Variants in DAB1 observed in about 807,000 individuals in gnomAD.
The protein encoded by DAB1 is disabled homolog 1.
A neutral mutation model predicts 64.6 loss-of-function variants in DAB1; 15 were observed. The ratio of observed to expected loss-of-function variants is 0.23; its 90% CI spans 0.16 to 0.36. DAB1 has a LOEUF of 0.36. DAB1 is among the 10% of genes least tolerant of loss of function. DAB1 has a pLI of 1.00. For synonymous variants in DAB1, 235 were observed against 251.9 expected (o/e 0.93, Z 0.64); for missense variants, 596 against 706.7 (o/e 0.84, Z 1.78).
At chr1:57,486,967 A>G (rs1258709525) in intron 7 of DAB1, among the ~76,000 whole-genome samples, 1 of 152,134 alleles carries the variant, frequency 6.6e-6, no homozygotes, top group African/African-American at 2.4e-5. Flanking sequence ...TTAAAAAAAA[A>G]AAGAAAAAAA....
intron 4 of DAB1, among the ~76,000 whole-genome samples, chr1:58,207,925 T>C (rs1240376557): frequency 1.3e-5 from 2 of 152,184 alleles, no homozygotes; most frequent in Non-Finnish European, 2.9e-5. Flanking sequence ...AGAGGTTTAA[T>C]TGACTCACAC....
chr1:58,302,765 G>A (rs2100464596), intron 4 of DAB1, among the ~76,000 whole-genome samples: 1 of 152,240 alleles, frequency 6.6e-6, no homozygotes, highest in South Asian at 2.1e-4. Context: ...TGCTTAGAAT[G>A]AAAGTGACAA....
intron 14 of DAB1, among the ~76,000 whole-genome samples, chr1:57,008,346 T>C (rs531468019): frequency 6.6e-6 from 1 of 152,180 alleles, no homozygotes; most frequent in African/African-American, 2.4e-5. Context: ...ACCAATGGTC[T>C]TATACATGAA....
At chr1:58,298,002 G>A (rs1422419196) in intron 4 of DAB1, among the ~76,000 whole-genome samples, 4 of 152,082 alleles carry the variant, frequency 2.6e-5, no homozygotes, top group African/African-American at 7.2e-5. Context: ...CCCTAAAAGC[G>A]CTTTCAAGTA....
chr1:57,175,284 CA>C (rs1188564519), intron 2 of DAB1, among the ~76,000 whole-genome samples: 2 of 150,954 alleles, frequency 1.3e-5, no homozygotes, highest in Non-Finnish European at 1.5e-5. Flanking sequence ...TAAAGAAAGG[CA>C]GGGTTTTTTT....
At chr1:57,366,089 G>A (rs181984630) in intron 1 of DAB1, among the ~76,000 whole-genome samples, 18 of 152,262 alleles carry the variant, frequency 1.2e-4, no homozygotes, top group Admixed American at 5.2e-4. Context: ...CCTGCTCTTT[G>A]CAGGACCAGC....
intron 3 of DAB1, among the ~76,000 whole-genome samples, chr1:58,446,156 A>G (rs1207500290): frequency 4.6e-5 from 7 of 152,192 alleles, no homozygotes; most frequent in Non-Finnish European, 1.0e-4. Flanking sequence ...CCACAGTAAT[A>G]AAAAAGAAAT....
chr1:58,304,461 G>C (rs778234018), intron 4 of DAB1, among the ~76,000 whole-genome samples: 18 of 152,118 alleles, frequency 1.2e-4, no homozygotes, highest in Non-Finnish European at 2.1e-4. Context: ...TAAAATAATC[G>C]TTATGAAGTA....
At chr1:57,257,625 C>G (rs953726096) in intron 2 of DAB1, among the ~76,000 whole-genome samples, 2 of 152,156 alleles carry the variant, frequency 1.3e-5, no homozygotes, top group African/African-American at 4.8e-5. Context: ...TAAATTCCCC[C>G]AAACTTGGTG....
At chr1:57,909,395 A>G (rs1644606737) in intron 5 of DAB1, among the ~76,000 whole-genome samples, 1 of 152,208 alleles carries the variant, frequency 6.6e-6, no homozygotes, top group East Asian at 1.9e-4. Context: ...TTACTTTCTA[A>G]AATAAGCTAT....
At position 58,181,135 on chromosome 1, in the gene DAB1, A is replaced by G. The variant is rs562892406; in HGVS notation, n.310-30547T>C. On this transcript the variant is annotated intron_variant and non_coding_transcript_variant, in intron 4 of 20. Coordinates refer to the DAB1 transcript ENST00000485760. Reference sequence around the variant, plus strand: ...CTTCAGTTCTTTCTGTTTTTAGTTCACTTGTTTTGGGACTCTGTTGTTAGT... The same window carrying G: ...CTTCAGTTCTTTCTGTTTTTAGTTCGCTTGTTTTGGGACTCTGTTGTTAGT... Among the ~76,000 whole-genome samples, 3 of 152,010 alleles carry G rather than the reference A, an allele frequency of 2.0e-5. No individual in the cohort carries two copies. The South Asian group carries it at 6.2e-4, about 32-fold the overall frequency.
intron 7 of DAB1, among the ~76,000 whole-genome samples, chr1:57,649,228 A>T (rs1004990631): frequency 3.3e-5 from 5 of 152,212 alleles, no homozygotes; most frequent in Non-Finnish European, 1.5e-5. Flanking sequence ...AGAGGGGTGC[A>T]TTTAAGAAAG....
At chr1:57,218,868 C>A in intron 2 of DAB1, among the ~76,000 whole-genome samples, 1 of 152,152 alleles carries the variant, frequency 6.6e-6, no homozygotes, top group Admixed American at 6.5e-5. Flanking sequence ...TTCTCTCTGT[C>A]AAGATGAGGA....
At chr1:58,138,493 GCACA>G (rs1232872065) in intron 5 of DAB1, among the ~76,000 whole-genome samples, 1 of 152,150 alleles carries the variant, frequency 6.6e-6, no homozygotes, top group Non-Finnish European at 1.5e-5. Flanking sequence ...TTGAGAAAAA[GCACA>G]CAAACAGGGA....
chr1:57,041,533 G>A (rs1018324986), intron 9 of DAB1, among the ~76,000 whole-genome samples: 4 of 152,234 alleles, frequency 2.6e-5, no homozygotes, highest in East Asian at 1.9e-4. Context: ...CAAGAATTCC[G>A]TTTTTCTGTG....
chr1:57,995,539 G>A (rs1267695374), intron 5 of DAB1, among the ~76,000 whole-genome samples: 1 of 152,156 alleles, frequency 6.6e-6, no homozygotes, highest in African/African-American at 2.4e-5. Context: ...AATAATAAAT[G>A]CCAGTTGGTT....
At position 57,755,758 on chromosome 1, in the gene DAB1, G is replaced by T. The variant is rs1244079315; in HGVS notation, n.552-106093C>A. 2.0e-5 allele frequency among the ~76,000 whole-genome samples: 3 copies of T among 152,082 alleles called. No homozygotes were observed. In the East Asian group the frequency reaches 5.8e-4, roughly 29 times the overall value. ...ATGATAAAACCATTTAAAGCCCAAA[G>T]ACTCTCTAAATCCCACTGTGTGTCT... On this transcript the variant is annotated intron_variant and non_coding_transcript_variant, in intron 6 of 20. Transcript: ENST00000485760.
intron 3 of DAB1, among the ~76,000 whole-genome samples, chr1:58,482,755 A>G (rs1380504675): frequency 6.6e-6 from 1 of 152,124 alleles, no homozygotes; most frequent in African/African-American, 2.4e-5. Context: ...AATCATTCCA[A>G]GAGGGAGCTG....
intron 6 of DAB1, among the ~76,000 whole-genome samples, chr1:57,692,104 C>CCACAA (rs1459989101): frequency 1.3e-5 from 2 of 151,892 alleles, no homozygotes; most frequent in African/African-American, 2.4e-5. Flanking sequence ...TTGATTGACC[C>CCACAA]CGTGGCCACA....
Sources: allele counts gnomAD v4.1 joint callset (sites outside exome capture counted in the v4.1 genomes callset), GRCh38; gene constraint gnomAD v4.1.1; transcripts MANE v1.5; gene names NCBI Gene and HGNC (gene_info 2026-07-23, HGNC 2026-07-21).